The following PRPSAP2 variants were observed in gnomAD, a reference collection of about 807,000 sequenced individuals.
PRPSAP2 encodes the protein phosphoribosyl pyrophosphate synthase-associated protein 2.
Under a neutral mutation model 40.6 loss-of-function variants are expected in PRPSAP2, and 24 were observed. That is an observed-to-expected ratio of 0.59 (90% CI 0.43 to 0.83). PRPSAP2 has a LOEUF of 0.83. Among genes scored for constraint, PRPSAP2 ranks in the 40% least tolerant of loss-of-function variants. PRPSAP2 has a pLI of 0.00. For missense variants in PRPSAP2, 292 were observed against 465.6 expected, an observed-to-expected ratio of 0.63 and a Z score of 3.43; for synonymous variants, 149 against 164.7, an observed-to-expected ratio of 0.90 and a Z score of 0.73.
intron 8 of PRPSAP2, among the ~76,000 whole-genome samples, chr17:18,897,991 CTTTT>C (rs71155370): frequency 6.4e-4 from 75 of 116,298 alleles, no homozygotes; most frequent in African/African-American, 2.3e-3. Context: ...AGAATTTTTG[CTTTT>C]TTTTTTTTTT....
At chr17:18,878,113 A>G (rs565648558) in intron 6 of PRPSAP2, among the ~76,000 whole-genome samples, 11 of 152,242 alleles carry the variant, frequency 7.2e-5, no homozygotes, top group Middle Eastern at 3.4e-3. Context: ...ACTGGGTCTT[A>G]CTATGTTGTT....
upstream of PRPSAP2, among the ~76,000 whole-genome samples, chr17:18,857,059 C>A (rs947020638): frequency 7.2e-5 from 11 of 152,084 alleles, no homozygotes; most frequent in African/African-American, 2.4e-4. Flanking sequence ...AATGGCTGGG[C>A]GCGATGGCTC....
intron 9 of PRPSAP2, among the ~76,000 whole-genome samples, chr17:18,915,364 C>G (rs1370405401): frequency 6.6e-6 from 1 of 152,130 alleles, no homozygotes. Context: ...ATCATGACCA[C>G]TTAGATCATT....
intron 8 of PRPSAP2, among the ~76,000 whole-genome samples, chr17:18,892,371 A>G (rs2039602190): frequency 6.6e-6 from 1 of 151,920 alleles, no homozygotes; most frequent in Non-Finnish European, 1.5e-5. Context: ...GCTGGGTCAT[A>G]TGGCAGTTTC....
At chr17:18,925,252 C>T (rs2041910726) in intron 10 of PRPSAP2, among the ~76,000 whole-genome samples, 1 of 152,136 alleles carries the variant, frequency 6.6e-6, no homozygotes, top group Non-Finnish European at 1.5e-5. Flanking sequence ...AGAATGAACA[C>T]TGGGTACCCG....
upstream of PRPSAP2, chr17:18,856,441 A>T (rs1448307121): frequency 6.6e-6 from 1 of 152,190 alleles, no homozygotes; most frequent in Non-Finnish European, 1.5e-5. Context: ...TATGCAGATA[A>T]TCACTGGGCT....
chr17:18,911,036 T>G lies in PRPSAP2; in HGVS notation c.585-67T>G. ...CTACTTATGTTCTCTTAATGTTTTG[T>G]CCCCTAGGCATTAGCAGAACCAAGG... On this transcript the variant is annotated intron_variant, in intron 8 of 11. Coordinates refer to ENST00000268835, the MANE Select transcript of PRPSAP2 (RefSeq NM_002767.4). This position sits in a 1 kb window ranked among gnomAD's most constrained non-coding sequence, Gnocchi z 4.5. 6.8e-7 allele frequency: 1 copy of G among 1,479,560 alleles called. No individual in the cohort carries two copies. The highest frequency in any genetic ancestry group is 9.1e-7 in the Non-Finnish European group (1 of 1,103,794). 91.7% of individuals were successfully genotyped at this position (1,479,560 alleles called of 1,614,324 possible).
intron 8 of PRPSAP2, chr17:18,904,435 G>A (rs1370182098): frequency 6.6e-6 from 1 of 152,018 alleles, no homozygotes; most frequent in Non-Finnish European, 1.5e-5. Context: ...TTGTATTTTT[G>A]GTAGACATGG....
chr17:18,917,336 T>C (rs1296633165), intron 9 of PRPSAP2: 2 of 151,242 alleles, frequency 1.3e-5, no homozygotes, highest in Non-Finnish European at 2.9e-5. Context: ...GGGGCTTATA[T>C]AGCATCTTAA....
At chr17:18,881,339 C>T (rs1168300828) in intron 6 of PRPSAP2, among the ~76,000 whole-genome samples, 6 of 150,438 alleles carry the variant, frequency 4.0e-5, no homozygotes, top group Non-Finnish European at 7.4e-5. Context: ...CAGGTTCAAG[C>T]GAATTCTCCT....
At chr17:18,917,566 ATTATTATTATTATTATTATTTTTTTT>A (rs2041399727) in intron 9 of PRPSAP2, 1 of 26,076 alleles carries the variant, frequency 3.8e-5, no homozygotes, top group Non-Finnish European at 7.2e-5. Context: ...TATTATTATT[ATTATTATTATTATTATTATTTTTTTT>A]TTTTTTTTTT....
intron 8 of PRPSAP2, among the ~76,000 whole-genome samples, chr17:18,903,926 A>C (rs1246814575): frequency 3.9e-5 from 6 of 152,150 alleles, no homozygotes; most frequent in Non-Finnish European, 8.8e-5. Flanking sequence ...AGCCACATGC[A>C]AATTCTGATC....
At chr17:18,915,223 C>G (rs1233180641) in intron 9 of PRPSAP2, among the ~76,000 whole-genome samples, 3 of 151,664 alleles carry the variant, frequency 2.0e-5, no homozygotes, top group African/African-American at 7.3e-5. Context: ...TGGAGTTTTG[C>G]CATGTTGCCC....
At chr17:18,929,459 A>G (rs2042145296) in intron 11 of PRPSAP2, 2 of 152,030 alleles carry the variant, frequency 1.3e-5, no homozygotes, top group East Asian at 1.9e-4. Context: ...GTTTTAGAAC[A>G]TTTTCTTCTT....
intron 3 of PRPSAP2, 46 bp downstream of exon 3, chr17:18,865,998 C>T (rs1429351322): frequency 7.8e-7 from 1 of 1,285,326 alleles, no homozygotes. Context: ...TTATGTGATG[C>T]TTTAAATTTG....
chr17:18,901,518 T>C (rs2040266587), intron 8 of PRPSAP2, among the ~76,000 whole-genome samples: 1 of 152,186 alleles, frequency 6.6e-6, no homozygotes, highest in Non-Finnish European at 1.5e-5. Context: ...TAGCTGGGAC[T>C]ACAGGCGTCT....
chr17:18,930,175 A>G (rs538932708), intron 11 of PRPSAP2, among the ~76,000 whole-genome samples: 1 of 152,292 alleles, frequency 6.6e-6, no homozygotes, highest in East Asian at 1.9e-4. Flanking sequence ...GGTCGAGACC[A>G]TCCTGGCTAA....
At chr17:18,863,726 G>A (rs916615485) in intron 1 of PRPSAP2, among the ~76,000 whole-genome samples, 4 of 150,308 alleles carry the variant, frequency 2.7e-5, no homozygotes, top group African/African-American at 7.4e-5. Flanking sequence ...TGGAGACAGC[G>A]TTTCGCCATG....
chr17:18,879,282 C>CT (rs1287231381), intron 6 of PRPSAP2, among the ~76,000 whole-genome samples: 18 of 147,478 alleles, frequency 1.2e-4, no homozygotes, highest in South Asian at 6.6e-4. Flanking sequence ...TAGAATAAAC[C>CT]TTTTTTTTTG....
Sources: allele counts gnomAD v4.1 joint callset (sites outside exome capture counted in the v4.1 genomes callset), GRCh38; gene constraint gnomAD v4.1.1; non-coding constraint Gnocchi (gnomAD v3.1); transcripts MANE v1.5; gene names NCBI Gene and HGNC (gene_info 2026-07-23, HGNC 2026-07-21).